Variants in NLGN4Y observed in about 807,000 individuals in gnomAD.
The protein encoded by NLGN4Y is neuroligin-4, Y-linked.
Under a neutral mutation model 8.4 loss-of-function variants are expected in NLGN4Y, and 4 were observed. That is an observed-to-expected ratio of 0.48 (90% confidence interval 0.23 to 1.09). The LOEUF is 1.09. NLGN4Y is among the 50% of genes least tolerant of loss of function. The probability of loss-of-function intolerance (pLI) is 0.19; values close to 1 mark genes in which losing one functional copy is unlikely to be tolerated. For missense variants in NLGN4Y, 90 were observed against 192.3 expected, an observed-to-expected ratio of 0.47 and a Z score of 3.15; for synonymous variants, 35 against 75.6, an observed-to-expected ratio of 0.46 and a Z score of 2.78.
At chrY:14,569,092 C>T (rs929702691) in intron 1 of NLGN4Y, among the ~76,000 whole-genome samples, 4 of 33,111 alleles carry the variant, frequency 1.2e-4, no homozygotes, top group Admixed American at 2.8e-4. Flanking sequence ...GCCTTCAGAA[C>T]GAAGACGCAA....
chrY:14,709,056 T>C, intron 2 of NLGN4Y, among the ~76,000 whole-genome samples: 1 of 33,323 alleles, frequency 3.0e-5, no homozygotes, highest in East Asian at 8.1e-4. Context: ...GTTCAAGTTC[T>C]CTTACAGTGA....
chrY:14,689,269 A>T (rs2080801888), intron 2 of NLGN4Y, among the ~76,000 whole-genome samples: 1 of 32,602 alleles, frequency 3.1e-5, no homozygotes, highest in South Asian at 6.6e-4. Context: ...CTCACTTGCA[A>T]GTAGCCCTTT....
chrY:14,663,143 C>T, intron 2 of NLGN4Y, among the ~76,000 whole-genome samples: 1 of 33,358 alleles, frequency 3.0e-5, no homozygotes, highest in Non-Finnish European at 7.4e-5. Flanking sequence ...TTCTGTGCCT[C>T]GCTTATTTCT....
intron 1 of NLGN4Y, among the ~76,000 whole-genome samples, chrY:14,532,451 C>G: frequency 3.0e-5 from 1 of 33,493 alleles, no homozygotes; most frequent in African/African-American, 1.2e-4. Flanking sequence ...TTGTGCAAAA[C>G]AGCTTTTTTA....
chrY:14,793,527 T>C, intron 4 of NLGN4Y: 1 of 34,037 alleles, frequency 2.9e-5, no homozygotes, highest in Non-Finnish European at 7.3e-5. Flanking sequence ...ATTATTTAAT[T>C]TGTTCCAGTT....
At chrY:14,593,897 T>C (rs2080383671) in intron 1 of NLGN4Y, among the ~76,000 whole-genome samples, 1 of 33,569 alleles carries the variant, frequency 3.0e-5, no homozygotes, top group Non-Finnish European at 7.4e-5. Flanking sequence ...TTGTTCCCCA[T>C]ATTCATGTAG....
At chrY:14,703,024 G>C (rs2080860103) in intron 2 of NLGN4Y, among the ~76,000 whole-genome samples, 1 of 33,012 alleles carries the variant, frequency 3.0e-5, no homozygotes, top group Non-Finnish European at 7.4e-5. Context: ...TTTTTCTCTT[G>C]TAAACTTGTT....
chrY:14,586,310 T>TCA (rs2080340423), intron 1 of NLGN4Y, among the ~76,000 whole-genome samples: 2 of 32,926 alleles, frequency 6.1e-5, no homozygotes, highest in Non-Finnish European at 1.5e-4. Flanking sequence ...AGAGAGAGCG[T>TCA]CACACTGAAG....
At chrY:14,754,446 CT>C (rs2081051348) in intron 4 of NLGN4Y, among the ~76,000 whole-genome samples, 2 of 33,642 alleles carry the variant, frequency 5.9e-5, no homozygotes, top group Non-Finnish European at 1.5e-4. Flanking sequence ...TTTTGAATCA[CT>C]TTTGTTCTAC....
At chrY:14,784,736 A>G in intron 4 of NLGN4Y, among the ~76,000 whole-genome samples, 2 of 33,591 alleles carry the variant, frequency 6.0e-5, no homozygotes, top group Admixed American at 5.4e-4. Flanking sequence ...CATGGAATCA[A>G]CATAAATGTC....
intron 1 of NLGN4Y, among the ~76,000 whole-genome samples, chrY:14,593,285 C>T (rs1569359246): frequency 3.0e-5 from 1 of 33,537 alleles, no homozygotes; most frequent in South Asian, 6.6e-4. Context: ...CAGTCCTCTC[C>T]GGGATAGTGA....
intron 2 of NLGN4Y, among the ~76,000 whole-genome samples, chrY:14,680,513 T>A: frequency 3.0e-5 from 1 of 33,292 alleles, no homozygotes; most frequent in Non-Finnish European, 7.4e-5. Context: ...TCTTGTGTAA[T>A]GAAGCTGACC....
At chrY:14,573,862 G>A (rs939899535) in intron 1 of NLGN4Y, among the ~76,000 whole-genome samples, 3 of 33,602 alleles carry the variant, frequency 8.9e-5, no homozygotes, top group Non-Finnish European at 2.2e-4. Context: ...GTACCCAGTA[G>A]CCATTCAGGG....
At chrY:14,780,055 C>A (rs2081141194) in intron 4 of NLGN4Y, among the ~76,000 whole-genome samples, 1 of 33,082 alleles carries the variant, frequency 3.0e-5, no homozygotes. Flanking sequence ...GTTTCTCTAG[C>A]AACCATCTGC....
At chrY:14,819,645 A>G (rs771516686) in intron 4 of NLGN4Y, among the ~76,000 whole-genome samples, 1 of 33,000 alleles carries the variant, frequency 3.0e-5, no homozygotes, top group Admixed American at 2.8e-4. Flanking sequence ...ACTGATAGGA[A>G]AGGGAGCTGT....
chrY:14,660,804 G>T, intron 2 of NLGN4Y, among the ~76,000 whole-genome samples: 1 of 33,102 alleles, frequency 3.0e-5, no homozygotes, highest in African/African-American at 1.2e-4. Context: ...AGAAGGCTTT[G>T]GTGGTTTGAC....
At chrY:14,541,383 A>G in intron 1 of NLGN4Y, among the ~76,000 whole-genome samples, 1 of 33,880 alleles carries the variant, frequency 3.0e-5, no homozygotes, top group South Asian at 6.7e-4. Context: ...AACACTCTTC[A>G]GGATGTTATC....
At chrY:14,595,585 G>GA (rs2080393009) in intron 1 of NLGN4Y, among the ~76,000 whole-genome samples, 1 of 32,389 alleles carries the variant, frequency 3.1e-5, no homozygotes, top group Non-Finnish European at 7.6e-5. Flanking sequence ...CCGCAGTGCA[G>GA]AAAAAAAATG....
At chrY:14,653,422 C>G in intron 2 of NLGN4Y, among the ~76,000 whole-genome samples, 1 of 31,820 alleles carries the variant, frequency 3.1e-5, no homozygotes, top group Non-Finnish European at 7.6e-5. Context: ...GTCTCACTCT[C>G]TCGCTGGAAT....
Sources: allele counts gnomAD v4.1 joint callset (sites outside exome capture counted in the v4.1 genomes callset), GRCh38; gene constraint gnomAD v4.1.1; transcripts MANE v1.5; gene names NCBI Gene and HGNC (gene_info 2026-07-23, HGNC 2026-07-21).